Variants in DNAH9 observed in about 807,000 individuals in gnomAD.
DNAH9 encodes DNAH9 variant protein.
Under a neutral mutation model 471.6 loss-of-function variants are expected in DNAH9, and 345 were observed. The observed-to-expected ratio is 0.73, with a 90% CI of 0.67 to 0.80. The LOEUF (loss-of-function observed/expected upper bound fraction) is 0.80, where lower values mean the gene tolerates loss of function less well. Ranked by LOEUF, DNAH9 falls within the 30% of genes least tolerant of loss-of-function variation. The pLI is 0.00. For synonymous variants in DNAH9, 2,093 were observed against 2,123.6 expected (o/e 0.99, Z 0.40); for missense variants, 5,407 against 5,609.2 (o/e 0.96, Z 1.15).
At chr17:11,603,201 T>TA (rs2072423026) in intron 1 of DNAH9, among the ~76,000 whole-genome samples, 1 of 152,338 alleles carries the variant, frequency 6.6e-6, no homozygotes, top group East Asian at 1.9e-4. Context: ...AACTGCTAAG[T>TA]AAGCCTTTTA....
Position 11,695,811 on chromosome 17 carries a change from T to C in DNAH9, c.4872+1364T>C, listed in dbSNP as rs1477457794. Among the ~76,000 whole-genome samples, 5 of 152,334 alleles carry C rather than the reference T, an allele frequency of 3.3e-5. 1 individual carries two copies. The highest frequency in any genetic ancestry group is 3.9e-4 in the East Asian group (2 of 5,180). On this transcript the variant is annotated intron_variant, in intron 22 of 68. Coordinates refer to ENST00000262442, the MANE Select transcript of DNAH9 (RefSeq NM_001372.4). ...TATGCTGCTGGTCTAGGGACTACACTATGAGAACTTCTGCTCTCAACATTG... is the reference window on the plus strand; with the variant it reads ...TATGCTGCTGGTCTAGGGACTACACCATGAGAACTTCTGCTCTCAACATTG...
intron 10 of DNAH9, among the ~76,000 whole-genome samples, chr17:11,643,272 TTA>T (rs1418541934): frequency 1.2e-4 from 18 of 152,228 alleles, no homozygotes; most frequent in African/African-American, 4.3e-4. Context: ...TTTACACATG[TTA>T]TATGTACGTC....
intron 46 of DNAH9, 44 bp downstream of exon 46, chr17:11,822,106 A>T: frequency 1.3e-6 from 2 of 1,579,728 alleles, no homozygotes; most frequent in African/African-American, 2.7e-5. Context: ...ACCCGAGATG[A>T]TTCATGGGAG....
At chr17:11,642,800 C>T (rs567481882) in intron 10 of DNAH9, among the ~76,000 whole-genome samples, 2 of 152,116 alleles carry the variant, frequency 1.3e-5, no homozygotes, top group Non-Finnish European at 2.9e-5. Flanking sequence ...CACAGCTTGG[C>T]AAGGGAAAGC....
intron 7 of DNAH9, 133 bp from the exon 8 acceptor site, chr17:11,632,454 A>T (rs2073088365): frequency 3.3e-6 from 2 of 613,046 alleles, no homozygotes; most frequent in Admixed American, 2.5e-5. Flanking sequence ...AAGTCATGCC[A>T]TGGTGAATTT....
intron 14 of DNAH9, among the ~76,000 whole-genome samples, chr17:11,653,409 G>T (rs897475821): frequency 3.9e-5 from 6 of 152,132 alleles, no homozygotes; most frequent in African/African-American, 1.4e-4. Context: ...CTAAAGAAAT[G>T]AAAGACTACC....
chr17:11,662,027 G>T (rs1409637762), intron 14 of DNAH9, among the ~76,000 whole-genome samples: 1 of 151,966 alleles, frequency 6.6e-6, no homozygotes, highest in East Asian at 1.9e-4. Context: ...CTCAGTCTTT[G>T]TTTATCTAAA....
At chr17:11,607,844 A>G (rs1443080594) in intron 1 of DNAH9, among the ~76,000 whole-genome samples, 1 of 152,142 alleles carries the variant, frequency 6.6e-6, no homozygotes, top group Non-Finnish European at 1.5e-5. Flanking sequence ...TGCTAGGATT[A>G]CAGGCATGAA....
At position 11,887,981 on chromosome 17, in the gene DNAH9, G is replaced by T. The variant is rs112011378; in HGVS notation, c.11112+1016G>T. Among the ~76,000 whole-genome samples the T allele has an allele frequency of 4.1e-5, 6 of 145,532 alleles. 1 individual carries two copies. The highest frequency in any genetic ancestry group is 6.8e-5 in the Admixed American group (1 of 14,748). On this transcript the variant is annotated intron_variant, in intron 57 of 68. Coordinates refer to ENST00000262442, the MANE Select transcript of DNAH9 (RefSeq NM_001372.4). ...TGAACTGTGTTTATAATATTTTATG[G>T]TTTTTTGTTTTTTTTTTTTGAGAGG...
rs115808229 is a variant in DNAH9 at position 11,803,426 on chromosome 17, C to T, written c.8421-4306C>T. Among the ~76,000 whole-genome samples the T allele has an allele frequency of 9.1e-3, 1,387 of 152,278 alleles. 21 individuals are homozygous for T. The highest frequency in any genetic ancestry group is 0.032 in the African/African-American group (1,325 of 41,552). ...CGCTCGCACACACGCACATGCGTGT[C>T]TAGTCCAATAAATCAACTTCCTCCA... On this transcript the variant is annotated intron_variant, in intron 43 of 68. Coordinates refer to ENST00000262442, the MANE Select transcript of DNAH9 (RefSeq NM_001372.4).
chr17:11,895,740 A>G (rs1023677679), intron 59 of DNAH9, among the ~76,000 whole-genome samples: 6 of 152,208 alleles, frequency 3.9e-5, no homozygotes, highest in African/African-American at 1.4e-4. Context: ...CTCCATTTGT[A>G]TAATTTGCTG....
At chr17:11,640,684 C>T (rs1057342059) in intron 10 of DNAH9, among the ~76,000 whole-genome samples, 1 of 152,176 alleles carries the variant, frequency 6.6e-6, no homozygotes, top group Admixed American at 6.5e-5. Context: ...TTCTTCCACA[C>T]GTCTCCCTTT....
chr17:11,862,036 T>C (rs1364789149), intron 50 of DNAH9, among the ~76,000 whole-genome samples: 5 of 148,980 alleles, frequency 3.4e-5, no homozygotes. Flanking sequence ...TTACATCCCA[T>C]TTGTCAATTT....
chr17:11,957,259 A>T (rs1382393365), intron 67 of DNAH9, among the ~76,000 whole-genome samples: 3 of 152,166 alleles, frequency 2.0e-5, no homozygotes, highest in African/African-American at 7.2e-5. Flanking sequence ...TGAATTCATG[A>T]CTTAAAATTT....
At chr17:11,903,007 G>A (rs1973465080) in intron 60 of DNAH9, 95 bp downstream of exon 60, 1 of 1,338,860 alleles carries the variant, frequency 7.5e-7, no homozygotes, top group East Asian at 2.3e-5. Flanking sequence ...AAAGCCATGT[G>A]TATATAGTAG....
Position 11,902,832 on chromosome 17 carries a change from G to A in DNAH9, c.11520G>A (p.Gln3840=), listed in dbSNP as rs760967668. ...SECPEKEKLP[Q]EWKNKTALQR... is the part of the protein sequence containing the mutation. ...GTCCTGAGAAAGAGAAGCTCCCACA[G>A]GAGTGGAAGAACAAGACAGCCCTGC... Residue 3840 remains glutamine (Q), a synonymous_variant, in exon 60 of 69, where the codon CAG becomes CAA. Transcript: ENST00000262442. The A allele has an allele frequency of 1.9e-6, 3 of 1,613,914 alleles. No homozygotes were observed. The highest frequency in any genetic ancestry group is 1.3e-5 in the African/African-American group (1 of 74,938).
At position 11,598,865 on chromosome 17, in the gene DNAH9, G is replaced by T; in HGVS notation, c.367G>T (p.Gly123Trp). The T allele has an allele frequency of 6.5e-7, 1 of 1,543,464 alleles. No homozygotes were observed. The highest frequency in any genetic ancestry group is 8.7e-7 in the Non-Finnish European group (1 of 1,151,108). ...CAGCTTCCGCGGCGCAGTGGTCTGC[G>T]GGGACCTGCCCGCGGCACCTCTGGA... is the stretch of plus-strand genomic sequence containing the variant. ...PDSFRGAVVC[G>W]DLPAAPLEHL... Residue 123 changes from glycine to tryptophan, a missense_variant, in exon 1 of 69, where the codon GGG (glycine) becomes TGG (tryptophan). Gly to Trp is a radical substitution (Grantham distance 184). Transcript: ENST00000262442.
intron 38 of DNAH9, among the ~76,000 whole-genome samples, chr17:11,772,097 A>G (rs977605084): frequency 4.6e-5 from 7 of 152,106 alleles, no homozygotes; most frequent in African/African-American, 1.7e-4. Flanking sequence ...AATACTTTGA[A>G]AGCTGCAATA....
At chr17:11,948,509 C>T (rs916385433) in intron 67 of DNAH9, among the ~76,000 whole-genome samples, 5 of 152,040 alleles carry the variant, frequency 3.3e-5, no homozygotes, top group Admixed American at 3.3e-4. Context: ...GGATTACAGG[C>T]GTGAGCCACC....
Sources: gnomAD v4.1 joint callset for allele counts (sites outside exome capture counted in the v4.1 genomes callset) on GRCh38, gnomAD v4.1.1 for gene constraint, MANE v1.5 for transcripts, NCBI Gene and HGNC (gene_info 2026-07-23, HGNC 2026-07-21) for gene names.